The following NPC1 variants were observed in gnomAD, a reference collection of about 807,000 sequenced individuals.
NPC1 encodes the protein NPC intracellular cholesterol transporter 1.
In NPC1, 85 loss-of-function variants were observed where a neutral mutation model predicts 140.4. The observed-to-expected ratio is 0.61, with a 90% CI of 0.51 to 0.72. The LOEUF (loss-of-function observed/expected upper bound fraction) is 0.72, where lower values mean the gene tolerates loss of function less well. Among genes scored for constraint, NPC1 ranks in the 30% least tolerant of loss-of-function variants. The pLI, the probability that NPC1 is intolerant of heterozygous loss-of-function variation, is 0.00. For missense variants in NPC1, 1,504 were observed against 1,623.8 expected (o/e 0.93, Z 1.27); for synonymous variants, 656 against 624.8 (o/e 1.05, Z -0.74).
At chr18:23,533,126 C>G (rs2058564800) in intron 24 of NPC1, 3 of 615,596 alleles carry the variant, frequency 4.9e-6, no homozygotes, top group Non-Finnish European at 7.9e-6. Context: ...GCAGACAGAT[C>G]AGGCCTCCAG....
downstream of NPC1, chr18:23,527,754 G>T (rs2058348897): frequency 1.3e-6 from 2 of 1,498,558 alleles, no homozygotes; most frequent in Non-Finnish European, 1.9e-6. Flanking sequence ...AAGCTGACAT[G>T]AAGTTGGTTT....
chr18:23,508,843 AT>A (rs1352009602), intron 3 of NPC1: 1 of 153,650 alleles, frequency 6.5e-6, no homozygotes, highest in Non-Finnish European at 1.4e-5. Context: ...GCCTTTGTAC[AT>A]TTTTAATAAC....
intron 11 of NPC1, among the ~76,000 whole-genome samples, 158 bp downstream of exon 11, chr18:23,547,848 T>TA (rs2058810593): frequency 6.6e-6 from 1 of 152,216 alleles, no homozygotes; most frequent in African/African-American, 2.4e-5. Flanking sequence ...GTAAATGTGT[T>TA]TACAGTTTCT....
chr18:23,510,742 C>T (rs2057832840), intron 3 of NPC1, among the ~76,000 whole-genome samples: 2 of 152,164 alleles, frequency 1.3e-5, no homozygotes, highest in South Asian at 4.1e-4. Context: ...CATCACTGAT[C>T]ATTAGAGAAA....
chr18:23,570,250 T>C (rs932540244), intron 3 of NPC1, among the ~76,000 whole-genome samples: 1 of 152,256 alleles, frequency 6.6e-6, no homozygotes, highest in African/African-American at 2.4e-5. Context: ...TTTCCAAATA[T>C]CAGGTTGTTT....
chr18:23,557,394 G>T (rs890980067), intron 6 of NPC1, among the ~76,000 whole-genome samples: 1 of 152,176 alleles, frequency 6.6e-6, no homozygotes, highest in Non-Finnish European at 1.5e-5. Flanking sequence ...GATGTTAAGA[G>T]AACAATTAAT....
intron 3 of NPC1, chr18:23,509,285 A>G (rs1265177725): frequency 2.9e-6 from 4 of 1,372,006 alleles, no homozygotes; most frequent in South Asian, 1.9e-5. Context: ...ACCAGGTATT[A>G]TGTTTATCAT....
intron 4 of NPC1, among the ~76,000 whole-genome samples, chr18:23,564,025 C>CT (rs1195753739): frequency 6.6e-5 from 8 of 121,426 alleles, no homozygotes; most frequent in African/African-American, 2.6e-4. Context: ...GTCTCTGTCC[C>CT]TCAGGCTGGA....
At chr18:23,583,242 A>T (rs888525293) in intron 1 of NPC1, among the ~76,000 whole-genome samples, 1 of 152,144 alleles carries the variant, frequency 6.6e-6, no homozygotes, top group African/African-American at 2.4e-5. Context: ...GTCTTTCACA[A>T]GCATAGTTGG....
chr18:23,554,005 G>C (rs1013967102), intron 9 of NPC1, among the ~76,000 whole-genome samples: 7 of 152,132 alleles, frequency 4.6e-5, no homozygotes, highest in Admixed American at 2.0e-4. Context: ...TAAATCTTGT[G>C]GGGGGTGTGA....
At chr18:23,554,702 T>C in intron 9 of NPC1, 56 bp downstream of exon 9, 1 of 1,383,482 alleles carries the variant, frequency 7.2e-7, no homozygotes. Flanking sequence ...TTTGCCCATG[T>C]ACCCTAAGTC....
intron 3 of NPC1, among the ~76,000 whole-genome samples, chr18:23,510,322 CAAA>C (rs1041112782): frequency 7.5e-6 from 1 of 133,982 alleles, no homozygotes; most frequent in Non-Finnish European, 1.6e-5. Flanking sequence ...GACCCCATCT[CAAA>C]AAAAAAAACA....
chr18:23,507,112 A>G, intron 3 of NPC1: 2 of 1,224,552 alleles, frequency 1.6e-6, no homozygotes, highest in South Asian at 1.3e-5. Flanking sequence ...TTTGGAAGAG[A>G]AGGAATCGCA....
intron 1 of NPC1, among the ~76,000 whole-genome samples, chr18:23,577,405 G>A (rs1157855430): frequency 2.0e-5 from 3 of 146,836 alleles, no homozygotes; most frequent in African/African-American, 2.5e-5. Context: ...AGACATAAAG[G>A]TTCTCCACGT....
intron 3 of NPC1, among the ~76,000 whole-genome samples, chr18:23,510,546 C>A (rs1484750731): frequency 1.3e-5 from 2 of 151,980 alleles, no homozygotes; most frequent in Non-Finnish European, 2.9e-5. Context: ...ACTAGGGAGG[C>A]TGAGGCCAGG....
downstream of NPC1, among the ~76,000 whole-genome samples, chr18:23,517,459 T>C (rs1598873474): frequency 6.6e-6 from 1 of 152,180 alleles, no homozygotes; most frequent in South Asian, 2.1e-4. Flanking sequence ...TACGGAGGTA[T>C]ATTTTCATTT....
chr18:23,576,505 T>C (rs1426001209), intron 1 of NPC1: 24 of 992,104 alleles, frequency 2.4e-5, no homozygotes, highest in Middle Eastern at 5.1e-4. Context: ...GTCCTAGGCT[T>C]AGGCACTATT....
In NPC1 at chr18:23,576,573, A is replaced by G. The variant is rs544509637; in HGVS notation, c.58-2999T>C. The G allele has an allele frequency of 4.8e-3, 4,144 of 865,704 alleles. 16 individuals carry two copies. Among genetic ancestry groups the G allele is most frequent in the Non-Finnish European group, 5.4e-3 (3,908 of 717,068 alleles). The allele number at this position is 865,704 out of a possible 1,614,324, so 53.6% of individuals were successfully genotyped here. On this transcript the variant is annotated intron_variant, in intron 1 of 24. Transcript: ENST00000269228. ...TGGGTTCTTGGTCTCACTGACTTCA[A>G]GAATGAAGCCGCGGACCCTGGCGGT...
intron 18 of NPC1, 106 bp from the exon 19 acceptor site, chr18:23,539,576 A>T (rs907855224): frequency 1.4e-4 from 119 of 857,346 alleles, no homozygotes; most frequent in Non-Finnish European, 2.1e-4. Flanking sequence ...TTATACTGCT[A>T]ACAGTCAAAA....
Sources: gnomAD v4.1 joint callset for allele counts (sites outside exome capture counted in the v4.1 genomes callset) on GRCh38, gnomAD v4.1.1 for gene constraint, MANE v1.5 for transcripts, NCBI Gene and HGNC (gene_info 2026-07-23, HGNC 2026-07-21) for gene names.